LTBP1: variants seen among roughly 807,000 people sequenced by gnomAD.
The protein encoded by LTBP1 is latent transforming growth factor beta binding protein 1, also known as latent-transforming growth factor beta-binding protein 1.
Under a neutral mutation model 207.6 loss-of-function variants are expected in LTBP1, and 129 were observed. The observed-to-expected ratio is 0.62, with a 90% CI of 0.54 to 0.72. The LOEUF (loss-of-function observed/expected upper bound fraction) is 0.72. Among genes scored for constraint, LTBP1 ranks in the 30% least tolerant of loss-of-function variants. The pLI, the probability that LTBP1 is intolerant of heterozygous loss-of-function variation, is 0.00. For missense variants in LTBP1, 2,281 were observed against 2,217.2 expected (o/e 1.03, Z -0.58); for synonymous variants, 963 against 833.7 (o/e 1.16, Z -2.67).
intron 3 of LTBP1, among the ~76,000 whole-genome samples, chr2:33,097,621 C>T (rs1415752044): frequency 6.6e-6 from 1 of 152,148 alleles, no homozygotes. Context: ...CTCTCCTTCA[C>T]AAATAAGTAG....
chr2:33,137,506 A>T (rs1558686890), intron 5 of LTBP1, among the ~76,000 whole-genome samples: 1 of 152,244 alleles, frequency 6.6e-6, no homozygotes, highest in Non-Finnish European at 1.5e-5. Context: ...GTGTGAAAGC[A>T]GCCAGAGACA....
chr2:33,311,266 C>T (rs1174921413), intron 23 of LTBP1, among the ~76,000 whole-genome samples: 4 of 152,078 alleles, frequency 2.6e-5, no homozygotes, highest in East Asian at 1.9e-4. Context: ...ATACACCTTC[C>T]TGCACTTGAT....
intron 24 of LTBP1, among the ~76,000 whole-genome samples, chr2:33,319,353 G>A (rs2149311987): frequency 6.6e-6 from 1 of 151,690 alleles, no homozygotes; most frequent in South Asian, 2.1e-4. Context: ...AGCCGAGATT[G>A]CGCCATTGCA....
intron 5 of LTBP1, among the ~76,000 whole-genome samples, chr2:33,182,061 A>G (rs769591241): frequency 2.6e-5 from 4 of 152,218 alleles, no homozygotes; most frequent in Non-Finnish European, 5.9e-5. Context: ...TAGAAATGCT[A>G]GAACTGGAGA....
At chr2:33,184,221 C>A (rs1028941602) in intron 5 of LTBP1, among the ~76,000 whole-genome samples, 11 of 152,190 alleles carry the variant, frequency 7.2e-5, no homozygotes, top group African/African-American at 2.7e-4. Flanking sequence ...GAGTAATCTT[C>A]CTGGAACACT....
intron 5 of LTBP1, among the ~76,000 whole-genome samples, chr2:33,150,973 C>G (rs2083477080): frequency 6.6e-6 from 1 of 152,052 alleles, no homozygotes; most frequent in East Asian, 1.9e-4. Flanking sequence ...TTCCTGTCCT[C>G]AAGTGATCCA....
intron 3 of LTBP1, among the ~76,000 whole-genome samples, chr2:33,065,723 G>A (rs1206137601): frequency 1.3e-5 from 2 of 152,192 alleles, no homozygotes; most frequent in African/African-American, 4.8e-5. Flanking sequence ...CCAAAAACAG[G>A]TTGGGAGGTG....
rs202228164 is a variant in LTBP1, at chr2:32,947,681, C to T, written c.357C>T (p.His119=). ...ARPAVPGGQL[H]PNPGGHPAAA... ...CCGCGGTCCCCGGCGGGCAGCTCCA[C>T]CCCAATCCCGGCGGCCACCCGGCAG... is the stretch of plus-strand genomic sequence containing the variant. Residue 119 remains histidine (H), a synonymous_variant, in exon 1 of 34, where the codon CAC becomes CAT. Transcript: ENST00000404816. 2.0e-6 allele frequency: 3 copies of T among 1,494,736 alleles called. No homozygotes were observed. The highest frequency in any genetic ancestry group is 5.9e-5 in the East Asian group (2 of 34,118). The allele number at this position is 1,494,736 out of a possible 1,614,324, so 92.6% of individuals were successfully genotyped here.
chr2:33,037,808 G>A (rs773856133), intron 3 of LTBP1, among the ~76,000 whole-genome samples: 2 of 152,166 alleles, frequency 1.3e-5, no homozygotes, highest in Non-Finnish European at 2.9e-5. Context: ...GCCTTGACCT[G>A]CTGGGCTTAA....
rs188677896 is a variant in LTBP1, at chr2:33,152,332, T to C, written c.1201+17372T>C. ...ATGAAAAAGTACTCAGCATCACTAA[T>C]GATCAGGGAAATGCAAATCAAAACT... On this transcript the variant is annotated intron_variant, in intron 5 of 33. Transcript: ENST00000404816. Among the ~76,000 whole-genome samples the C allele has an allele frequency of 8.5e-5, 13 of 152,250 alleles. No homozygotes were observed. The East Asian group carries it at 2.1e-3, about 25-fold the overall frequency.
intron 24 of LTBP1, among the ~76,000 whole-genome samples, chr2:33,340,878 A>G (rs1260591931): frequency 2.0e-5 from 3 of 152,224 alleles, no homozygotes; most frequent in African/African-American, 7.2e-5. Context: ...GATAGACTGT[A>G]ATAGGAAATA....
At chr2:33,024,080 T>C (rs1287790899) in intron 3 of LTBP1, among the ~76,000 whole-genome samples, 1 of 152,246 alleles carries the variant, frequency 6.6e-6, no homozygotes, top group Non-Finnish European at 1.5e-5. Context: ...TGATCACTTA[T>C]TCAACAAGTT....
At chr2:33,050,154 CTT>C (rs11318614) in intron 3 of LTBP1, among the ~76,000 whole-genome samples, 16,404 of 126,198 alleles carry the variant, frequency 0.13, 966 homozygotes, top group Middle Eastern at 0.17. Flanking sequence ...CTTTTCTTTT[CTT>C]TTTTTTTTTT....
At chr2:32,993,969 A>AGTGCGTGT (rs371128277) in intron 2 of LTBP1, among the ~76,000 whole-genome samples, 1 of 138,384 alleles carries the variant, frequency 7.2e-6, no homozygotes, top group Admixed American at 7.1e-5. Flanking sequence ...CAGTTAGGGG[A>AGTGCGTGT]GTGTGTGTGT....
At chr2:33,339,380 T>C (rs1049847616) in intron 24 of LTBP1, among the ~76,000 whole-genome samples, 1 of 152,200 alleles carries the variant, frequency 6.6e-6, no homozygotes, top group African/African-American at 2.4e-5. Flanking sequence ...CGAGTTTCTT[T>C]CCAGCCCTTA....
At chr2:33,305,033 G>T (rs1032122004) in intron 22 of LTBP1, among the ~76,000 whole-genome samples, 27 of 152,198 alleles carry the variant, frequency 1.8e-4, no homozygotes, top group Admixed American at 1.6e-3. Context: ...ACAATAAATG[G>T]CTGGGTGCAG....
chr2:33,050,479 C>T (rs1439346668), intron 3 of LTBP1, among the ~76,000 whole-genome samples: 6 of 151,964 alleles, frequency 3.9e-5, no homozygotes, highest in African/African-American at 1.2e-4. Flanking sequence ...CTCACCTGTA[C>T]ATTAGACACC....
At position 33,138,990 on chromosome 2, in the gene LTBP1, C is replaced by G. The variant is rs2082399992; in HGVS notation, c.1201+4030C>G. Among the ~76,000 whole-genome samples, 4 of 150,138 alleles carry G rather than the reference C, an allele frequency of 2.7e-5. No homozygotes were observed. In the South Asian group the frequency reaches 8.6e-4, roughly 32 times the overall value. ...TCTCCTGCCTCAGCCTCCCGAGTAGCTGGGACTACAGGCGCCCGCTACCAC... is the reference window on the plus strand; with the variant it reads ...TCTCCTGCCTCAGCCTCCCGAGTAGGTGGGACTACAGGCGCCCGCTACCAC... On this transcript the variant is annotated intron_variant, in intron 5 of 33. Transcript: ENST00000404816.
chr2:32,990,971 T>A (rs190254712), intron 2 of LTBP1, among the ~76,000 whole-genome samples: 2 of 152,312 alleles, frequency 1.3e-5, no homozygotes, highest in African/African-American at 4.8e-5. Flanking sequence ...ACAGTTTACC[T>A]TCCAAGATTA....
Sources: gnomAD v4.1 joint callset for allele counts (sites outside exome capture counted in the v4.1 genomes callset) on GRCh38, gnomAD v4.1.1 for gene constraint, MANE v1.5 for transcripts, NCBI Gene and HGNC (gene_info 2026-07-23, HGNC 2026-07-21) for gene names.